The following UNC5D variants were observed in gnomAD, a reference collection of about 807,000 sequenced individuals.
The protein encoded by UNC5D is unc-5 netrin receptor D, also known as netrin receptor UNC5D.
UNC5D carries 39 observed loss-of-function variants against 105.4 expected under a neutral mutation model. The observed-to-expected ratio is 0.37, with a 90% CI of 0.29 to 0.48. The LOEUF (loss-of-function observed/expected upper bound fraction) is 0.48, where lower values mean the gene tolerates loss of function less well. Ranked by LOEUF, UNC5D falls within the 20% of genes least tolerant of loss-of-function variation. The pLI is 0.98. For synonymous variants in UNC5D, 452 were observed against 450.4 expected, an observed-to-expected ratio of 1.00 and a Z score of -0.04; for missense variants, 991 against 1,202.4, an observed-to-expected ratio of 0.82 and a Z score of 2.60.
intron 11 of UNC5D, 66 bp downstream of exon 11, chr8:35,731,162 G>A (rs1563715357): frequency 1.4e-6 from 2 of 1,460,178 alleles, no homozygotes; most frequent in Non-Finnish European, 1.9e-6. Flanking sequence ...ACTTTGGGAG[G>A]CTGAGGCAGG....
chr8:35,306,695 A>G (rs138065595), intron 1 of UNC5D, among the ~76,000 whole-genome samples: 1 of 152,156 alleles, frequency 6.6e-6, no homozygotes, highest in Admixed American at 6.6e-5. Context: ...CTGTAATAAA[A>G]TCATCACCAT....
chr8:35,638,742 G>A (rs1211913158), intron 4 of UNC5D, among the ~76,000 whole-genome samples: 1 of 152,130 alleles, frequency 6.6e-6, no homozygotes, highest in Non-Finnish European at 1.5e-5. Context: ...GGAGGTGATA[G>A]TGAGCCGTGA....
At chr8:35,242,205 A>G (rs1257537348) in intron 1 of UNC5D, among the ~76,000 whole-genome samples, 2 of 152,118 alleles carry the variant, frequency 1.3e-5, no homozygotes, top group South Asian at 2.1e-4. Context: ...ATATCACTGT[A>G]ACCACGTGGG....
intron 1 of UNC5D, among the ~76,000 whole-genome samples, chr8:35,371,867 T>C (rs563428041): frequency 6.6e-6 from 1 of 152,284 alleles, no homozygotes; most frequent in South Asian, 2.1e-4. Flanking sequence ...ATCCTTCCTC[T>C]TAATTAGGGC....
At chr8:35,428,994 G>A (rs1221023521) in intron 1 of UNC5D, among the ~76,000 whole-genome samples, 2 of 152,282 alleles carry the variant, frequency 1.3e-5, no homozygotes, top group Admixed American at 6.5e-5. Context: ...CTAAGCTGGA[G>A]TAAATCCATC....
At chr8:35,591,769 G>A (rs1393320025) in intron 3 of UNC5D, among the ~76,000 whole-genome samples, 1 of 152,070 alleles carries the variant, frequency 6.6e-6, no homozygotes. Context: ...TGAAAGTCTA[G>A]GACATAGAAC....
At chr8:35,453,546 A>C (rs1002053269) in intron 1 of UNC5D, among the ~76,000 whole-genome samples, 1 of 152,186 alleles carries the variant, frequency 6.6e-6, no homozygotes, top group Non-Finnish European at 1.5e-5. Flanking sequence ...CAAATCCAAT[A>C]ATAGAATAAT....
chr8:35,273,285 A>G (rs1389429023), intron 1 of UNC5D, among the ~76,000 whole-genome samples: 3 of 152,246 alleles, frequency 2.0e-5, no homozygotes, highest in African/African-American at 7.2e-5. Context: ...AACGATTATA[A>G]GAGTTTGGTA....
intron 16 of UNC5D, among the ~76,000 whole-genome samples, chr8:35,774,696 C>T (rs1370249338): frequency 6.6e-6 from 1 of 152,096 alleles, no homozygotes; most frequent in African/African-American, 2.4e-5. Context: ...CTTTGGGAGG[C>T]CGAGGCAGGC....
At position 35,600,331 on chromosome 8, in the gene UNC5D, C is replaced by A. The variant is rs1207450037; in HGVS notation, c.570+4674C>A. Among the ~76,000 whole-genome samples, 5 of 152,252 alleles carry A rather than the reference C, an allele frequency of 3.3e-5. No homozygotes were observed. The East Asian group carries it at 9.7e-4, about 29-fold the overall frequency. ...GGGTATATACCCAGTAATGGGATGG[C>A]TGGTTGAAATGGTATTTCTAGTTCT... On this transcript the variant is annotated intron_variant, in intron 4 of 16. Transcript: ENST00000404895.
At chr8:35,282,937 A>G (rs1256475758) in intron 1 of UNC5D, among the ~76,000 whole-genome samples, 1 of 152,136 alleles carries the variant, frequency 6.6e-6, no homozygotes. Context: ...TACTGTATGG[A>G]AGCATGCATA....
chr8:35,672,539 A>G (rs1399463039), intron 4 of UNC5D, among the ~76,000 whole-genome samples: 4 of 152,194 alleles, frequency 2.6e-5, no homozygotes, highest in Admixed American at 2.6e-4. Flanking sequence ...CTCTTTGCAG[A>G]TGGGAAAAAG....
chr8:35,676,351 T>C (rs950384557), intron 4 of UNC5D, among the ~76,000 whole-genome samples: 1 of 152,166 alleles, frequency 6.6e-6, no homozygotes, highest in Admixed American at 6.5e-5. Context: ...GGATTATCTA[T>C]GTGAACCAAA....
chr8:35,695,339 A>T lies in UNC5D; in HGVS notation c.1084+8630A>T, dbSNP rs763306785. On this transcript the variant is annotated intron_variant, in intron 7 of 16. Transcript: ENST00000404895. Reference sequence around the variant, plus strand: ...CTATAAGGTCCCAACACGTTCTAAAATCTTATGATTCTAACTAACAGTTAA... The same window carrying T: ...CTATAAGGTCCCAACACGTTCTAAATTCTTATGATTCTAACTAACAGTTAA... 1.4e-4 allele frequency among the ~76,000 whole-genome samples: 21 copies of T among 152,116 alleles called. 1 individual carries two copies. Among genetic ancestry groups the T allele is most frequent in the Non-Finnish European group, 2.6e-4 (18 of 68,004 alleles).
intron 4 of UNC5D, among the ~76,000 whole-genome samples, chr8:35,618,270 A>G (rs1159394977): frequency 6.6e-6 from 1 of 152,238 alleles, no homozygotes; most frequent in Non-Finnish European, 1.5e-5. Context: ...GAGATGCCGT[A>G]GTTACAGTAA....
chr8:35,674,419 G>C (rs1490555342), intron 4 of UNC5D, among the ~76,000 whole-genome samples: 1 of 152,092 alleles, frequency 6.6e-6, no homozygotes, highest in African/African-American at 2.4e-5. Context: ...ATGTGTGTGT[G>C]TATATATGGT....
chr8:35,566,246 C>G (rs1411570225), intron 2 of UNC5D, among the ~76,000 whole-genome samples: 1 of 152,052 alleles, frequency 6.6e-6, no homozygotes, highest in Non-Finnish European at 1.5e-5. Context: ...ATGACCATCT[C>G]TCATCACACA....
At chr8:35,477,099 T>G (rs189502772) in intron 1 of UNC5D, among the ~76,000 whole-genome samples, 271 of 152,336 alleles carry the variant, frequency 1.8e-3, no homozygotes, top group African/African-American at 6.3e-3. Flanking sequence ...CTTGAAAAGA[T>G]ACTCCTTCTC....
At chr8:35,721,050 G>A (rs750338168) in intron 8 of UNC5D, among the ~76,000 whole-genome samples, 7 of 152,018 alleles carry the variant, frequency 4.6e-5, no homozygotes, top group South Asian at 2.1e-4. Flanking sequence ...ATTAGGGTGC[G>A]GTGAATGCAT....
Sources: allele counts gnomAD v4.1 joint callset (sites outside exome capture counted in the v4.1 genomes callset), GRCh38; gene constraint gnomAD v4.1.1; transcripts MANE v1.5; gene names NCBI Gene and HGNC (gene_info 2026-07-23, HGNC 2026-07-21).